Variants in DPYSL3 observed in about 807,000 individuals in gnomAD.
The protein encoded by DPYSL3 is dihydropyrimidinase-related protein 3.
DPYSL3 carries 16 observed loss-of-function variants against 66.1 expected under a neutral mutation model. That is an observed-to-expected ratio of 0.24 (90% CI 0.16 to 0.37). DPYSL3 has a LOEUF of 0.37. Ranked by LOEUF, DPYSL3 falls within the 10% of genes least tolerant of loss-of-function variation. DPYSL3 has a pLI of 1.00. For synonymous variants in DPYSL3, 338 were observed against 345.1 expected (o/e 0.98, Z 0.23); for missense variants, 738 against 916.2 (o/e 0.81, Z 2.51).
At chr5:147,411,807 T>G (rs555118838) in intron 6 of DPYSL3, among the ~76,000 whole-genome samples, 1 of 152,338 alleles carries the variant, frequency 6.6e-6, no homozygotes, top group East Asian at 1.9e-4. Flanking sequence ...TGCATCTGTT[T>G]TGGCTCACTT....
chr5:147,462,281 T>C (rs994300233), intron 1 of DPYSL3, among the ~76,000 whole-genome samples: 2 of 152,178 alleles, frequency 1.3e-5, no homozygotes, highest in Admixed American at 6.5e-5. Context: ...ATGAACAATC[T>C]TGACTTAAGG....
rs1753543385 is a variant in DPYSL3, at chr5:147,497,826, CCTA to C, written c.381+11649_381+11651del. 3.3e-5 allele frequency among the ~76,000 whole-genome samples: 5 copies of C among 152,234 alleles called. No homozygotes were observed. In the South Asian group the frequency reaches 8.3e-4, roughly 25 times the overall value. ...TTAATGGTGAGAAACTCAAAGCTTT[CCTA>C]CTAAGATTAGAAACAAGGCAAAGAC... On this transcript the variant is annotated intron_variant, in intron 1 of 13. Coordinates refer to ENST00000343218, the MANE Select transcript of DPYSL3 (RefSeq NM_001197294.2).
rs749030462 is a variant in DPYSL3, at chr5:147,395,666, A to C, written c.1859T>G (p.Leu620Arg). 6.2e-7 allele frequency: 1 copy of C among 1,614,114 alleles called. No individual in the cohort carries two copies. The highest frequency in any genetic ancestry group is 8.5e-7 in the Non-Finnish European group (1 of 1,180,038). Residue 620 changes from leucine to arginine, a missense_variant, in exon 13 of 14, where the codon CTG becomes CGG. Physicochemically the swap from Leu to Arg is moderately radical, Grantham distance 102. Transcript: ENST00000343218. ...GGTGCCACCTTTGGGGGTGGTGGTC[A>C]GGTCAAACACAGGCCCATCGTACAT... ...RGMYDGPVFD[L>R]TTTPKGGTPA...
intron 1 of DPYSL3, among the ~76,000 whole-genome samples, chr5:147,501,566 C>T (rs954888141): frequency 2.7e-5 from 4 of 146,016 alleles, no homozygotes; most frequent in African/African-American, 1.0e-4. Flanking sequence ...CTCACTGCAA[C>T]CTCTGCCTCC....
At chr5:147,404,450 G>A (rs1456695910) in intron 8 of DPYSL3, among the ~76,000 whole-genome samples, 1 of 152,230 alleles carries the variant, frequency 6.6e-6, no homozygotes, top group Non-Finnish European at 1.5e-5. Context: ...CACACGTGGA[G>A]TTTCACAGGC....
intron 2 of DPYSL3, among the ~76,000 whole-genome samples, chr5:147,420,534 C>T (rs1752057118): frequency 6.6e-6 from 1 of 152,138 alleles, no homozygotes. Context: ...ATAATGAGTA[C>T]CATACCGTGT....
intron 3 of DPYSL3, among the ~76,000 whole-genome samples, chr5:147,417,912 C>G (rs761708295): frequency 6.6e-6 from 1 of 152,082 alleles, no homozygotes; most frequent in Admixed American, 6.5e-5. Context: ...ACATGACCAG[C>G]GTCCCAGTAG....
chr5:147,425,657 G>GA (rs1752181118), intron 1 of DPYSL3, among the ~76,000 whole-genome samples: 1 of 152,024 alleles, frequency 6.6e-6, no homozygotes, highest in African/African-American at 2.4e-5. Context: ...TTAATTATGA[G>GA]AAAAATAAAG....
intron 3 of DPYSL3, among the ~76,000 whole-genome samples, chr5:147,416,103 C>T (rs968814270): frequency 6.6e-6 from 1 of 152,104 alleles, no homozygotes. Context: ...AGTTTTCTTT[C>T]CTTTAAGTTG....
In DPYSL3 at chr5:147,395,532, A is replaced by G. The variant is rs763199826; in HGVS notation, c.1966+27T>C. 5.6e-6 allele frequency: 9 copies of G among 1,593,024 alleles called. No homozygotes were observed. The South Asian group carries it at 1.0e-4, about 18-fold the overall frequency. ...TGATCTTCCCCTTCCCCCTTCTCTT[A>G]TCTTTTGATGAGCCTGTCCCACTCA... On this transcript the variant is annotated intron_variant, in intron 13 of 13. Coordinates refer to ENST00000343218, the MANE Select transcript of DPYSL3 (RefSeq NM_001197294.2).
At chr5:147,502,433 T>C (rs1753625647) in intron 1 of DPYSL3, among the ~76,000 whole-genome samples, 3 of 151,828 alleles carry the variant, frequency 2.0e-5, no homozygotes, top group African/African-American at 7.3e-5. Flanking sequence ...AATACACTCC[T>C]AGGTTAATGG....
At chr5:147,494,453 G>A (rs1369209179) in intron 1 of DPYSL3, among the ~76,000 whole-genome samples, 4 of 151,502 alleles carry the variant, frequency 2.6e-5, no homozygotes, top group Non-Finnish European at 1.5e-5. Flanking sequence ...TCTTCAAAAA[G>A]ATCAATAAAA....
intron 1 of DPYSL3, among the ~76,000 whole-genome samples, chr5:147,497,526 T>G (rs1395833158): frequency 6.6e-6 from 1 of 152,260 alleles, no homozygotes; most frequent in East Asian, 1.9e-4. Context: ...TTACACACCA[T>G]AGCCATGAAG....
In DPYSL3 at chr5:147,472,305, C is replaced by T. The variant is rs117929378; in HGVS notation, c.381+37173G>A. Among the ~76,000 whole-genome samples, 789 of 152,168 alleles carry T rather than the reference C, an allele frequency of 5.2e-3. 31 individuals carry two copies. The East Asian group carries it at 0.11, about 20-fold the overall frequency. ...CAGAAAGAGATGGCTAAGTGCTGAA[C>T]CAGAAATAATTACTATTCTGAGATG... On this transcript the variant is annotated intron_variant, in intron 1 of 13. Coordinates refer to ENST00000343218, the MANE Select transcript of DPYSL3 (RefSeq NM_001197294.2).
intron 1 of DPYSL3, chr5:147,453,608 C>T (rs1216136869): frequency 6.5e-7 from 1 of 1,529,576 alleles, no homozygotes; most frequent in Non-Finnish European, 8.8e-7. Context: ...GTGGCTGCAG[C>T]GGCTGGCTCC....
intron 1 of DPYSL3, among the ~76,000 whole-genome samples, chr5:147,449,749 A>C (rs1365149487): frequency 6.6e-6 from 1 of 152,240 alleles, no homozygotes; most frequent in Non-Finnish European, 1.5e-5. Flanking sequence ...ATGAAAATAC[A>C]TATAAAACAC....
Position 147,509,772 on chromosome 5 carries a change from G to T in DPYSL3, c.87C>A (p.Val29=), listed in dbSNP as rs1753733346. ...ACATGCCGCCGTATTTCTGCCGCGG[G>T]ACCTGGTCCGTGGTGCCCGGCCTGG... ...YLARPGTTDQ[V]PRQKYGGMFC... The change falls in exon 1 of 14, where the codon GTC becomes GTA. Residue 29 remains valine, a synonymous_variant. Coordinates refer to ENST00000343218, the MANE Select transcript of DPYSL3 (RefSeq NM_001197294.2). This position sits in a 1 kb window ranked among gnomAD's most constrained non-coding sequence, Gnocchi z 5.3. 4 of 1,535,898 alleles carry T rather than the reference G, an allele frequency of 2.6e-6. No homozygotes were observed. The highest frequency in any genetic ancestry group is 3.9e-5 in the Admixed American group (2 of 50,980).
intron 1 of DPYSL3, among the ~76,000 whole-genome samples, chr5:147,463,367 T>C (rs1561797154): frequency 6.6e-6 from 1 of 152,014 alleles, no homozygotes; most frequent in Non-Finnish European, 1.5e-5. Flanking sequence ...ATCTACCTTA[T>C]ATGGAAAGAA....
chr5:147,502,571 C>CTTTTTTTTT (rs71001435), intron 1 of DPYSL3, among the ~76,000 whole-genome samples: 1 of 95,196 alleles, frequency 1.1e-5, no homozygotes, highest in Non-Finnish European at 1.9e-5. Context: ...CTTAATAATG[C>CTTTTTTTTT]TTTTTTTTTT....
Sources: allele counts gnomAD v4.1 joint callset (sites outside exome capture counted in the v4.1 genomes callset), GRCh38; gene constraint gnomAD v4.1.1; non-coding constraint Gnocchi (gnomAD v3.1); transcripts MANE v1.5; gene names NCBI Gene and HGNC (gene_info 2026-07-23, HGNC 2026-07-21).